Variants in FBXL17 observed in about 807,000 individuals in gnomAD.
The protein encoded by FBXL17 is F-box/LRR-repeat protein 17.
FBXL17 carries 22 observed loss-of-function variants against 66.2 expected under a neutral mutation model. That is an observed-to-expected ratio of 0.33 (90% CI 0.24 to 0.47). FBXL17 has a LOEUF of 0.47. FBXL17 is among the 20% of genes least tolerant of loss of function. The probability of loss-of-function intolerance (pLI) is 1.00; values close to 1 mark genes in which losing one functional copy is unlikely to be tolerated. For missense variants in FBXL17, 878 were observed against 948.2 expected (o/e 0.93, Z 0.97); for synonymous variants, 474 against 400.5 (o/e 1.18, Z -2.19).
intron 6 of FBXL17, among the ~76,000 whole-genome samples, chr5:108,138,357 G>A (rs1488019417): frequency 1.3e-5 from 2 of 152,116 alleles, no homozygotes; most frequent in Non-Finnish European, 2.9e-5. Context: ...TTTAAGCATG[G>A]AGAATTTAAA....
At chr5:107,938,674 G>A (rs1212102715) in intron 7 of FBXL17, among the ~76,000 whole-genome samples, 1 of 152,074 alleles carries the variant, frequency 6.6e-6, no homozygotes, top group East Asian at 1.9e-4. Flanking sequence ...TCTGCTTAGT[G>A]GTGATATATT....
intron 4 of FBXL17, among the ~76,000 whole-genome samples, chr5:108,294,131 CTGAT>C (rs1243028266): frequency 5.8e-5 from 8 of 137,290 alleles, no homozygotes; most frequent in Admixed American, 2.2e-4. Context: ...ATTAAAAAAA[CTGAT>C]TGTCAAATCT....
At chr5:108,139,041 GA>G (rs1751252137) in intron 6 of FBXL17, among the ~76,000 whole-genome samples, 1 of 152,122 alleles carries the variant, frequency 6.6e-6, no homozygotes, top group African/African-American at 2.4e-5. Flanking sequence ...GGCCAACTGA[GA>G]AATCTTTAAT....
At chr5:107,893,040 A>C (rs894354072) in intron 7 of FBXL17, among the ~76,000 whole-genome samples, 1 of 152,154 alleles carries the variant, frequency 6.6e-6, no homozygotes, top group African/African-American at 2.4e-5. Flanking sequence ...TCTCAAGTCC[A>C]GCAATTATTT....
intron 6 of FBXL17, among the ~76,000 whole-genome samples, chr5:108,069,062 TTC>T (rs1162472108): frequency 6.6e-6 from 1 of 152,122 alleles, no homozygotes; most frequent in African/African-American, 2.4e-5. Context: ...GTGTAACACT[TTC>T]ACACACATAC....
intron 6 of FBXL17, among the ~76,000 whole-genome samples, chr5:108,036,885 A>G (rs2112795210): frequency 6.6e-6 from 1 of 152,340 alleles, no homozygotes; most frequent in Non-Finnish European, 1.5e-5. Flanking sequence ...GAATATTTCA[A>G]CAAAGTAGGG....
chr5:108,156,933 T>C (rs895747598), intron 6 of FBXL17, among the ~76,000 whole-genome samples: 1 of 151,886 alleles, frequency 6.6e-6, no homozygotes, highest in Non-Finnish European at 1.5e-5. Context: ...CAATTAGTTA[T>C]ATGAAGGACT....
At chr5:108,106,957 A>G (rs1211364061) in intron 6 of FBXL17, among the ~76,000 whole-genome samples, 2 of 152,238 alleles carry the variant, frequency 1.3e-5, no homozygotes, top group Non-Finnish European at 2.9e-5. Flanking sequence ...ATCTCAATAA[A>G]GTTATTTTTT....
intron 6 of FBXL17, among the ~76,000 whole-genome samples, chr5:108,074,447 T>C (rs288238): frequency 0.16 from 24,125 of 151,982 alleles, 2,323 homozygotes; most frequent in South Asian, 0.42. Flanking sequence ...TTTATTTTTT[T>C]AGGTGCCCAA....
chr5:107,923,702 G>A (rs1750400083), intron 7 of FBXL17, among the ~76,000 whole-genome samples: 1 of 152,030 alleles, frequency 6.6e-6, no homozygotes, highest in Non-Finnish European at 1.5e-5. Context: ...AAAACACTAG[G>A]GTACTTGATA....
intron 4 of FBXL17, among the ~76,000 whole-genome samples, chr5:108,327,005 T>C (rs1021140230): frequency 1.3e-5 from 2 of 152,204 alleles, no homozygotes; most frequent in African/African-American, 4.8e-5. Context: ...CTTTTGTCCA[T>C]TCAAAGACTG....
At chr5:108,028,014 G>T (rs1754895003) in intron 6 of FBXL17, among the ~76,000 whole-genome samples, 1 of 151,938 alleles carries the variant, frequency 6.6e-6, no homozygotes. Flanking sequence ...TGGTGTTCTG[G>T]CATATTTTAA....
intron 7 of FBXL17, among the ~76,000 whole-genome samples, chr5:107,966,862 G>A (rs190621458): frequency 4.6e-5 from 7 of 152,088 alleles, no homozygotes; most frequent in Non-Finnish European, 8.8e-5. Context: ...TTAGGAGTAC[G>A]GTGATCTACT....
rs538676417 is a variant in FBXL17, at chr5:108,095,439, T to A, written c.1746-74438A>T. 6.6e-5 allele frequency among the ~76,000 whole-genome samples: 10 copies of A among 152,200 alleles called. No individual in the cohort carries two copies. In the South Asian group the frequency reaches 2.1e-3, roughly 32 times the overall value. The stretch of plus-strand genomic sequence containing the variant: ...ATCTAAATAAAATTTAAATAAAGTA[T>A]TTTAGTAAGCTATTAACAAAGAAAT... On this transcript the variant is annotated intron_variant, in intron 6 of 8. Transcript: ENST00000542267.
intron 4 of FBXL17, among the ~76,000 whole-genome samples, chr5:108,281,694 C>T (rs1345420493): frequency 1.3e-5 from 2 of 151,616 alleles, no homozygotes; most frequent in East Asian, 1.9e-4. Context: ...CAGAGCAGAA[C>T]TAAATGTAAC....
rs1753320183 is a variant in FBXL17, at chr5:108,188,253, C to T, written c.1615-2006G>A. 3.9e-5 allele frequency among the ~76,000 whole-genome samples: 6 copies of T among 152,070 alleles called. No homozygotes were observed. In the South Asian group the frequency reaches 1.2e-3, roughly 32 times the overall value. On this transcript the variant is annotated intron_variant, in intron 5 of 8. Coordinates refer to ENST00000542267, the MANE Select transcript of FBXL17 (RefSeq NM_001163315.3). ...TCAATGCTCTCTGAAGCATGCTGCC[C>T]AACTATGGAGATAAATAGAGATAGC...
intron 7 of FBXL17, among the ~76,000 whole-genome samples, chr5:107,925,356 T>C (rs1313204911): frequency 6.6e-6 from 1 of 152,234 alleles, no homozygotes; most frequent in Non-Finnish European, 1.5e-5. Flanking sequence ...CTGCTTTATG[T>C]TGTAGTTTTT....
chr5:107,941,435 C>T (rs1339636939), intron 7 of FBXL17, among the ~76,000 whole-genome samples: 1 of 152,214 alleles, frequency 6.6e-6, no homozygotes, highest in Non-Finnish European at 1.5e-5. Context: ...ATGGAAGTAT[C>T]TGCAACAGTG....
At chr5:108,235,299 T>C (rs1415978258) in intron 4 of FBXL17, among the ~76,000 whole-genome samples, 1 of 152,230 alleles carries the variant, frequency 6.6e-6, no homozygotes, top group Non-Finnish European at 1.5e-5. Flanking sequence ...CTTCTAATCC[T>C]TCTCTTAATG....
Sources: allele counts gnomAD v4.1 joint callset (sites outside exome capture counted in the v4.1 genomes callset), GRCh38; gene constraint gnomAD v4.1.1; transcripts MANE v1.5; gene names NCBI Gene and HGNC (gene_info 2026-07-23, HGNC 2026-07-21).